Variants in ADGRL3 observed in about 807,000 individuals in gnomAD.
ADGRL3 encodes the protein adhesion G protein-coupled receptor L3, also known as calcium-independent alpha-latrotoxin receptor 3.
In ADGRL3, 62 loss-of-function variants were observed where a neutral mutation model predicts 153.5. The observed-to-expected ratio is 0.40, with a 90% CI of 0.33 to 0.50. The LOEUF is 0.50. Ranked by LOEUF, ADGRL3 falls within the 20% of genes least tolerant of loss-of-function variation. ADGRL3 has a pLI of 0.47. For missense variants in ADGRL3, 1,641 were observed against 1,859.4 expected, an observed-to-expected ratio of 0.88 and a Z score of 2.16; for synonymous variants, 710 against 672.5, an observed-to-expected ratio of 1.06 and a Z score of -0.86.
chr4:61,647,519 A>AG (rs1297389174), intron 5 of ADGRL3, among the ~76,000 whole-genome samples: 1 of 152,054 alleles, frequency 6.6e-6, no homozygotes, highest in Non-Finnish European at 1.5e-5. Flanking sequence ...TTTGTACGTG[A>AG]GGGGGAAAAA....
chr4:61,391,941 G>A (rs1350450023), intron 2 of ADGRL3, among the ~76,000 whole-genome samples: 1 of 138,618 alleles, frequency 7.2e-6, no homozygotes, highest in Non-Finnish European at 1.5e-5. Flanking sequence ...CTCACTGCAA[G>A]CTCCGCCTCC....
chr4:61,901,904 T>A (rs1027699370), intron 11 of ADGRL3, among the ~76,000 whole-genome samples: 5 of 152,214 alleles, frequency 3.3e-5, no homozygotes, highest in Non-Finnish European at 7.3e-5. Context: ...TCTCAGTGTG[T>A]ATGTGCTTAT....
rs1432848223 is a variant in ADGRL3 at position 61,497,127 on chromosome 4, G to T, written c.-167G>T. ...TTTTTTTTCTTTTTTGCAGGTTTCA[G>T]ATTTGGGATATTGGTGTTTCTGTTT... is the stretch of plus-strand genomic sequence containing the variant. On this transcript the variant is annotated 5_prime_UTR_variant, in exon 3 of 27. Transcript: ENST00000683033. 5.5e-6 allele frequency: 3 copies of T among 549,712 alleles called. No homozygotes were observed. The highest frequency in any genetic ancestry group is 9.4e-6 in the Non-Finnish European group (3 of 317,834). 34.1% of individuals were successfully genotyped at this position (549,712 alleles called of 1,614,324 possible).
chr4:61,354,841 T>A (rs2096130949), intron 1 of ADGRL3, among the ~76,000 whole-genome samples: 1 of 152,080 alleles, frequency 6.6e-6, no homozygotes, highest in Non-Finnish European at 1.5e-5. Flanking sequence ...TCACCTTGAG[T>A]CTCTATTCTG....
intron 6 of ADGRL3, among the ~76,000 whole-genome samples, chr4:61,719,418 G>A (rs895853934): frequency 6.6e-6 from 1 of 152,076 alleles, no homozygotes; most frequent in Non-Finnish European, 1.5e-5. Context: ...AAGAATGAAA[G>A]AAGAAACAGG....
chr4:61,496,680 G>A (rs1466006869), intron 2 of ADGRL3, among the ~76,000 whole-genome samples: 2 of 151,704 alleles, frequency 1.3e-5, no homozygotes, highest in East Asian at 3.9e-4. Flanking sequence ...GGTGGCTCAC[G>A]CCTGTAATCC....
chr4:61,679,102 C>A (rs888247694), intron 6 of ADGRL3, among the ~76,000 whole-genome samples: 96 of 152,000 alleles, frequency 6.3e-4, no homozygotes, highest in African/African-American at 2.3e-3. Context: ...GCTGTACAAG[C>A]ATAGCACCAG....
intron 5 of ADGRL3, among the ~76,000 whole-genome samples, chr4:61,598,783 C>CT (rs1182336669): frequency 6.6e-6 from 1 of 151,962 alleles, no homozygotes; most frequent in Non-Finnish European, 1.5e-5. Flanking sequence ...AAAAAGCTTA[C>CT]TTTTTTCATT....
At chr4:62,067,530 C>T (rs1166683228) in intron 25 of ADGRL3, among the ~76,000 whole-genome samples, 2 of 151,854 alleles carry the variant, frequency 1.3e-5, no homozygotes, top group African/African-American at 4.8e-5. Context: ...CATAGTTACA[C>T]AACCTTTGAA....
At chr4:61,916,097 A>G (rs2098743920) in intron 13 of ADGRL3, among the ~76,000 whole-genome samples, 1 of 152,176 alleles carries the variant, frequency 6.6e-6, no homozygotes. Flanking sequence ...AAATGAAAGC[A>G]CAGTGAAATT....
chr4:61,962,738 A>G (rs1379724174), intron 17 of ADGRL3, among the ~76,000 whole-genome samples: 3 of 152,302 alleles, frequency 2.0e-5, no homozygotes, highest in Admixed American at 6.5e-5. Context: ...AAAAAGTTAC[A>G]TTGTACAGAA....
intron 9 of ADGRL3, among the ~76,000 whole-genome samples, chr4:61,819,005 A>G (rs960154244): frequency 6.6e-6 from 1 of 152,228 alleles, no homozygotes; most frequent in East Asian, 1.9e-4. Flanking sequence ...GAAATGAGGT[A>G]GAGTTGGTAT....
chr4:61,289,699 C>G (rs1230013237), intron 1 of ADGRL3, among the ~76,000 whole-genome samples: 1 of 151,924 alleles, frequency 6.6e-6, no homozygotes, highest in Non-Finnish European at 1.5e-5. Context: ...TACATGATTA[C>G]TTTATCTTTG....
chr4:61,933,311 C>T lies in ADGRL3; in HGVS notation c.2113-1529C>T, dbSNP rs188534340. On this transcript the variant is annotated intron_variant, in intron 13 of 26. Coordinates refer to ENST00000683033, the MANE Select transcript of ADGRL3 (RefSeq NM_001387552.1). ...TATTTTTTTGGTTTCCTATCTGGCA[C>T]CTCTTTTTTTGGCATATCCTGTTGG... is the stretch of plus-strand genomic sequence containing the variant. 3.2e-4 allele frequency among the ~76,000 whole-genome samples: 49 copies of T among 151,946 alleles called. No individual in the cohort carries two copies. The East Asian group carries it at 8.1e-3, about 25-fold the overall frequency.
intron 11 of ADGRL3, among the ~76,000 whole-genome samples, chr4:61,900,470 T>C (rs1401869840): frequency 1.3e-5 from 2 of 152,154 alleles, no homozygotes; most frequent in Admixed American, 6.5e-5. Flanking sequence ...ATGTAAGCTG[T>C]TAAAGTTAGA....
At chr4:61,669,964 A>T (rs773121540) in intron 5 of ADGRL3, among the ~76,000 whole-genome samples, 2 of 152,208 alleles carry the variant, frequency 1.3e-5, no homozygotes, top group African/African-American at 2.4e-5. Flanking sequence ...ACCCCTGTGA[A>T]TTACATTCCC....
At chr4:61,624,072 G>A (rs1209224610) in intron 5 of ADGRL3, among the ~76,000 whole-genome samples, 1 of 152,154 alleles carries the variant, frequency 6.6e-6, no homozygotes, top group Non-Finnish European at 1.5e-5. Flanking sequence ...AGGTCTTACT[G>A]GCTGCATGAC....
At chr4:61,500,973 C>G (rs2098381117) in intron 3 of ADGRL3, among the ~76,000 whole-genome samples, 1 of 152,168 alleles carries the variant, frequency 6.6e-6, no homozygotes, top group Non-Finnish European at 1.5e-5. Context: ...GGCCATTCCT[C>G]TTTACATAGA....
At chr4:61,358,722 G>A (rs2096235038) in intron 1 of ADGRL3, among the ~76,000 whole-genome samples, 1 of 151,230 alleles carries the variant, frequency 6.6e-6, no homozygotes, top group African/African-American at 2.4e-5. Context: ...TTTCTTCAAT[G>A]ATTTCTCATG....
Sources: gnomAD v4.1 joint callset for allele counts (sites outside exome capture counted in the v4.1 genomes callset) on GRCh38, gnomAD v4.1.1 for gene constraint, MANE v1.5 for transcripts, NCBI Gene and HGNC (gene_info 2026-07-23, HGNC 2026-07-21) for gene names.